Variants in IQCM observed in about 807,000 individuals in gnomAD.
IQCM encodes IQ motif containing M.
In IQCM, 45 loss-of-function variants were observed where a neutral mutation model predicts 57.6. The observed-to-expected ratio is 0.78, with a 90% CI of 0.62 to 1.00. The LOEUF (loss-of-function observed/expected upper bound fraction) is 1.00, where lower values mean the gene tolerates loss of function less well. IQCM is among the 50% of genes least tolerant of loss of function. IQCM has a pLI of 0.00. For missense variants in IQCM, 468 were observed against 511.6 expected (o/e 0.91, Z 0.82); for synonymous variants, 148 against 158.9 (o/e 0.93, Z 0.51).
At chr4:149,580,502 T>C (rs1752080715) in intron 9 of IQCM, among the ~76,000 whole-genome samples, 1 of 151,858 alleles carries the variant, frequency 6.6e-6, no homozygotes, top group Non-Finnish European at 1.5e-5. Context: ...TTTAATTTTA[T>C]AGCTATTTTG....
chr4:149,400,228 GT>G (rs1165874539), intron 13 of IQCM, among the ~76,000 whole-genome samples: 1 of 149,918 alleles, frequency 6.7e-6, no homozygotes, highest in Non-Finnish European at 1.5e-5. Context: ...TTGGGTTTTT[GT>G]TTTTTCTTTT....
At chr4:149,387,844 T>C (rs369008305) in intron 13 of IQCM, among the ~76,000 whole-genome samples, 3 of 150,926 alleles carry the variant, frequency 2.0e-5, no homozygotes, top group Admixed American at 6.6e-5. Context: ...CACCCCCTAC[T>C]ACCTCTACTC....
chr4:149,696,437 C>G (rs947045753), intron 5 of IQCM, among the ~76,000 whole-genome samples: 2 of 152,048 alleles, frequency 1.3e-5, no homozygotes, highest in Admixed American at 6.6e-5. Flanking sequence ...CTTAAGCCAG[C>G]CTTTTTGTTT....
chr4:149,722,250 T>C (rs1405770589), intron 5 of IQCM, among the ~76,000 whole-genome samples: 7 of 152,140 alleles, frequency 4.6e-5, no homozygotes, highest in Non-Finnish European at 1.0e-4. Flanking sequence ...AGTTTATCTG[T>C]TTACTCTGTT....
At chr4:149,356,282 C>A (rs1165089909) in intron 13 of IQCM, among the ~76,000 whole-genome samples, 1 of 152,130 alleles carries the variant, frequency 6.6e-6, no homozygotes, top group Non-Finnish European at 1.5e-5. Flanking sequence ...GCTTTTGTTG[C>A]CTTTGCTTTT....
intron 5 of IQCM, among the ~76,000 whole-genome samples, chr4:149,715,551 T>A (rs1044319471): frequency 1.3e-5 from 2 of 152,078 alleles, no homozygotes; most frequent in Admixed American, 1.3e-4. Context: ...TTTCCTCTTC[T>A]CTCCTTCTCA....
At chr4:149,737,949 A>G (rs1466781920) in intron 3 of IQCM, among the ~76,000 whole-genome samples, 2 of 152,166 alleles carry the variant, frequency 1.3e-5, no homozygotes, top group Non-Finnish European at 2.9e-5. Flanking sequence ...TAATTACAAC[A>G]TTGTCATGTG....
intron 7 of IQCM, among the ~76,000 whole-genome samples, chr4:149,639,829 T>C (rs1246384761): frequency 5.3e-5 from 8 of 152,148 alleles, no homozygotes; most frequent in Non-Finnish European, 7.4e-5. Flanking sequence ...CTTGGAAGGC[T>C]GAAGTGGGAG....
intron 5 of IQCM, among the ~76,000 whole-genome samples, chr4:149,698,224 G>A (rs1219813451): frequency 6.6e-6 from 1 of 151,980 alleles, no homozygotes; most frequent in Non-Finnish European, 1.5e-5. Flanking sequence ...AGGGACCATG[G>A]AGGTTATAGG....
At chr4:149,453,978 T>C (rs1174585932) in intron 12 of IQCM, among the ~76,000 whole-genome samples, 5 of 151,618 alleles carry the variant, frequency 3.3e-5, no homozygotes, top group South Asian at 4.1e-4. Flanking sequence ...CATCAACTGA[T>C]GAGTAGGTAA....
intron 13 of IQCM, among the ~76,000 whole-genome samples, chr4:149,429,507 A>G (rs987445080): frequency 1.3e-5 from 2 of 151,840 alleles, no homozygotes; most frequent in Admixed American, 1.3e-4. Flanking sequence ...TGTACCAGGT[A>G]TTTTTAGAGA....
At chr4:149,490,094 T>C (rs1741931537) in intron 12 of IQCM, among the ~76,000 whole-genome samples, 1 of 151,918 alleles carries the variant, frequency 6.6e-6, no homozygotes, top group East Asian at 1.9e-4. Flanking sequence ...GTGTGAAACA[T>C]TACTATAATA....
intron 13 of IQCM, among the ~76,000 whole-genome samples, chr4:149,375,295 A>G (rs1305853504): frequency 6.6e-6 from 1 of 152,148 alleles, no homozygotes; most frequent in Non-Finnish European, 1.5e-5. Flanking sequence ...GTGCTACTAC[A>G]TAGATGGGCG....
intron 8 of IQCM, among the ~76,000 whole-genome samples, chr4:149,620,320 G>A (rs769391211): frequency 6.6e-6 from 1 of 152,006 alleles, no homozygotes; most frequent in Admixed American, 6.6e-5. Flanking sequence ...ATAAATTTTT[G>A]TTGTTTAATC....
At chr4:149,613,150 T>C (rs1755453870) in intron 8 of IQCM, among the ~76,000 whole-genome samples, 2 of 151,800 alleles carry the variant, frequency 1.3e-5, no homozygotes, top group African/African-American at 4.8e-5. Flanking sequence ...TGTAACCCAT[T>C]AGAGGAGAAA....
chr4:149,524,243 T>C (rs1307969989), intron 12 of IQCM, among the ~76,000 whole-genome samples: 1 of 152,074 alleles, frequency 6.6e-6, no homozygotes, highest in Non-Finnish European at 1.5e-5. Context: ...GGTTATCTCT[T>C]GGAGTGGTGT....
Position 149,419,796 on chromosome 4 carries a change from GA to G in IQCM, c.1390+13599del, listed in dbSNP as rs201818924. Among the ~76,000 whole-genome samples, 28 of 151,182 alleles carry G rather than the reference GA, an allele frequency of 1.9e-4. No individual in the cohort carries two copies. In the East Asian group the frequency reaches 5.3e-3, roughly 28 times the overall value. On this transcript the variant is annotated intron_variant, in intron 13 of 13. Transcript: ENST00000636793. ...CAAGAAACTTAAACAAATTTACAAG[GA>G]AAAAACAAAAAACCCTATTAAAAAG...
At chr4:149,758,311 C>A (rs1769181435) in intron 2 of IQCM, among the ~76,000 whole-genome samples, 1 of 152,118 alleles carries the variant, frequency 6.6e-6, no homozygotes, top group South Asian at 2.1e-4. Context: ...AAACCTTACA[C>A]TCTTCTCAAA....
chr4:149,743,759 T>C (rs1191329799), intron 2 of IQCM, among the ~76,000 whole-genome samples: 2 of 152,198 alleles, frequency 1.3e-5, no homozygotes, highest in Non-Finnish European at 2.9e-5. Context: ...ATGGGTTCAT[T>C]AGCTGAGCCC....
Sources: gnomAD v4.1 joint callset for allele counts (sites outside exome capture counted in the v4.1 genomes callset) on GRCh38, gnomAD v4.1.1 for gene constraint, MANE v1.5 for transcripts, NCBI Gene and HGNC (gene_info 2026-07-23, HGNC 2026-07-21) for gene names.